AK9: variants seen among roughly 807,000 people sequenced by gnomAD.
The protein encoded by AK9 is adenylate kinase domain containing 1.
AK9 carries 191 observed loss-of-function variants against 239.6 expected under a neutral mutation model. That is an observed-to-expected ratio of 0.80 (90% CI 0.71 to 0.90). The LOEUF is 0.90. Ranked by LOEUF, AK9 falls within the 40% of genes least tolerant of loss-of-function variation. The pLI, the probability that AK9 is intolerant of heterozygous loss-of-function variation, is 0.00. For synonymous variants in AK9, 689 were observed against 721.0 expected (o/e 0.96, Z 0.71); for missense variants, 1,995 against 2,214.7 (o/e 0.90, Z 1.99).
rs779922129 is a variant in AK9, at chr6:109,659,242, GCTCTTCTTC to G, written c.607_615del (p.Glu203_Glu205del). Reference sequence around the variant, plus strand: ...TGAGATATTACCTCTTCTTCTTCTTGCTCTTCTTCCTCTTCTTCCTCTTCTCCTTTTCCG... The same window carrying G: ...TGAGATATTACCTCTTCTTCTTCTTGCTCTTCTTCCTCTTCTCCTTTTCCG... On this transcript the variant is annotated inframe_deletion, in exon 7 of 41. Transcript: ENST00000424296. 2.4e-4 allele frequency: 378 copies of G among 1,581,414 alleles called. 1 individual carries two copies. The East Asian group carries it at 4.3e-3, about 18-fold the overall frequency.
chr6:109,614,781 G>A (rs1488262407), intron 13 of AK9, among the ~76,000 whole-genome samples: 8 of 152,190 alleles, frequency 5.3e-5, no homozygotes, highest in Admixed American at 2.6e-4. Flanking sequence ...GCCATCCTCT[G>A]TATAATCATG....
chr6:109,557,884 G>A (rs1785212290), intron 24 of AK9, among the ~76,000 whole-genome samples: 1 of 152,160 alleles, frequency 6.6e-6, no homozygotes. Flanking sequence ...AAGTTATTCT[G>A]CATCCTAGCT....
At chr6:109,593,949 C>T (rs1221994283) in intron 17 of AK9, among the ~76,000 whole-genome samples, 1 of 152,014 alleles carries the variant, frequency 6.6e-6, no homozygotes, top group Non-Finnish European at 1.5e-5. Flanking sequence ...CTCTGAAAAC[C>T]AGCACAAGAC....
At chr6:109,516,332 T>C in intron 30 of AK9, 98 bp downstream of exon 30, 2 of 1,113,006 alleles carry the variant, frequency 1.8e-6, no homozygotes, top group Admixed American at 5.2e-5. Context: ...AAAATATACA[T>C]TTTTTAAATG....
chr6:109,597,456 AG>A (rs1244850463), intron 17 of AK9, among the ~76,000 whole-genome samples: 11 of 152,094 alleles, frequency 7.2e-5, no homozygotes, highest in Non-Finnish European at 5.9e-5. Flanking sequence ...GCAGATCACG[AG>A]GTCAGGAGAT....
At chr6:109,507,704 C>T (rs1365588943) in intron 33 of AK9, among the ~76,000 whole-genome samples, 2 of 152,304 alleles carry the variant, frequency 1.3e-5, no homozygotes, top group Non-Finnish European at 2.9e-5. Flanking sequence ...CACAGGACCC[C>T]CTGCCTCAGT....
chr6:109,530,437 C>G (rs889904418), intron 28 of AK9, among the ~76,000 whole-genome samples: 4 of 152,178 alleles, frequency 2.6e-5, no homozygotes, highest in African/African-American at 7.2e-5. Context: ...TTTACAAAAA[C>G]TTCCATTATT....
chr6:109,648,090 G>A (rs1468337008), intron 8 of AK9, among the ~76,000 whole-genome samples: 1 of 152,066 alleles, frequency 6.6e-6, no homozygotes, highest in South Asian at 2.1e-4. Context: ...ATTCAAAGCA[G>A]TGAGTAGAGG....
intron 5 of AK9, among the ~76,000 whole-genome samples, chr6:109,668,189 G>T (rs980982540): frequency 4.6e-5 from 7 of 152,022 alleles, no homozygotes; most frequent in South Asian, 4.1e-4. Context: ...GTTGGCTGCA[G>T]AAATGTCTTC....
intron 24 of AK9, among the ~76,000 whole-genome samples, chr6:109,553,828 C>T (rs770208246): frequency 3.3e-5 from 5 of 152,212 alleles, no homozygotes; most frequent in African/African-American, 4.8e-5. Flanking sequence ...ATATGATATT[C>T]GCTGTGGCTT....
At chr6:109,588,673 G>C (rs1248800451) in intron 17 of AK9, among the ~76,000 whole-genome samples, 3 of 152,144 alleles carry the variant, frequency 2.0e-5, no homozygotes, top group Non-Finnish European at 2.9e-5. Flanking sequence ...ATGTCCAGAA[G>C]AGTTTTTCCT....
intron 29 of AK9, among the ~76,000 whole-genome samples, chr6:109,521,102 T>A (rs1779815791): frequency 6.6e-6 from 1 of 152,120 alleles, no homozygotes; most frequent in Admixed American, 6.5e-5. Context: ...CTTCACTGAT[T>A]GTTCTTTGCA....
rs556402357 is a variant in AK9, at chr6:109,553,710, T to C, written c.2752-3408A>G. ...CCCTTTATTTCTTTATCTTGCCTGA[T>C]TGTCCTGGCCAGAACGTCCAATACT... On this transcript the variant is annotated intron_variant, in intron 24 of 40. Coordinates refer to ENST00000424296, the MANE Select transcript of AK9 (RefSeq NM_001145128.3). 7.9e-5 allele frequency among the ~76,000 whole-genome samples: 12 copies of C among 152,342 alleles called. No homozygotes were observed. The South Asian group carries it at 2.5e-3, about 32-fold the overall frequency.
At chr6:109,679,187 A>G (rs192396623) in intron 1 of AK9, among the ~76,000 whole-genome samples, 35 of 152,296 alleles carry the variant, frequency 2.3e-4, no homozygotes, top group African/African-American at 7.9e-4. Context: ...CACAGAACCC[A>G]GCAAGCTAAG....
chr6:109,669,300 G>C (rs551910594), intron 5 of AK9, among the ~76,000 whole-genome samples: 2,020 of 152,172 alleles, frequency 0.013, 31 homozygotes, highest in Non-Finnish European at 0.019. Flanking sequence ...TGAGACGATG[G>C]GGTTTTCTAG....
chr6:109,591,879 T>C (rs530762191), intron 17 of AK9, among the ~76,000 whole-genome samples: 1 of 151,454 alleles, frequency 6.6e-6, no homozygotes, highest in African/African-American at 2.4e-5. Flanking sequence ...AAAAGTGCAG[T>C]TCACTGCCAG....
At chr6:109,554,347 G>A (rs978807286) in intron 24 of AK9, among the ~76,000 whole-genome samples, 2 of 151,964 alleles carry the variant, frequency 1.3e-5, no homozygotes, top group African/African-American at 4.8e-5. Context: ...TGGTTGGTAG[G>A]CTATTAATTA....
rs569837123 is a variant in AK9 at position 109,675,252 on chromosome 6, G to A, written c.117+377C>T. Among the ~76,000 whole-genome samples the A allele has an allele frequency of 5.3e-4, 81 of 152,202 alleles. 1 individual carries two copies. Among genetic ancestry groups the A allele is most frequent in the African/African-American group, 1.5e-3 (61 of 41,538 alleles). ...TAACAGTTGTCATGTGCAGTGTTTT[G>A]GTAAGTTAATTTCATCATAATATAA... On this transcript the variant is annotated intron_variant, in intron 2 of 40. Transcript: ENST00000424296.
At chr6:109,563,139 G>C (rs1785994713) in intron 24 of AK9, among the ~76,000 whole-genome samples, 1 of 152,060 alleles carries the variant, frequency 6.6e-6, no homozygotes, top group South Asian at 2.1e-4. Context: ...TACTTATAAA[G>C]CTTCAAATGA....
Sources: allele counts gnomAD v4.1 joint callset (sites outside exome capture counted in the v4.1 genomes callset), GRCh38; gene constraint gnomAD v4.1.1; transcripts MANE v1.5; gene names NCBI Gene and HGNC (gene_info 2026-07-23, HGNC 2026-07-21).